Variants in CLTC observed in about 807,000 individuals in gnomAD.
CLTC encodes the protein clathrin heavy chain 1.
Under a neutral mutation model 195.8 loss-of-function variants are expected in CLTC, and 16 were observed. The observed-to-expected ratio is 0.08, with a 90% CI of 0.06 to 0.12. The LOEUF is 0.12. CLTC is among the 10% of genes least tolerant of loss of function. The probability of loss-of-function intolerance (pLI) is 1.00; values close to 1 mark genes in which losing one functional copy is unlikely to be tolerated. For synonymous variants in CLTC, 667 were observed against 689.4 expected, an observed-to-expected ratio of 0.97 and a Z score of 0.51; for missense variants, 796 against 2,027.0, an observed-to-expected ratio of 0.39 and a Z score of 11.66.
rs560534413 is a variant in CLTC at position 59,684,663 on chromosome 17, G to A, written c.4435-393G>A. ...TACTAAAATACCAAAAAAATTAGCC[G>A]GTTGTGGTGGCACGTGCCTGTAGTA... On this transcript the variant is annotated intron_variant, in intron 28 of 31. Transcript: ENST00000269122. Among the ~76,000 whole-genome samples the A allele has an allele frequency of 5.9e-5, 9 of 152,128 alleles. 1 individual carries two copies. In the South Asian group the frequency reaches 6.2e-4, roughly 11 times the overall value.
chr17:59,693,660 A>G (rs1336805099), intron 31 of CLTC, 68 bp from the exon 32 acceptor site: 12 of 1,529,800 alleles, frequency 7.8e-6, no homozygotes, highest in Non-Finnish European at 8.8e-6. Context: ...GGAGTGTTCT[A>G]AATGCTAACA....
chr17:59,682,601 T>A lies in CLTC; in HGVS notation c.3601-28T>A. ...GATTAAGCTCACACTAATATCTTGC[T>A]GAATGTGGGTTACCTTTTTTTTTCC... On this transcript the variant is annotated intron_variant, in intron 22 of 31. Coordinates refer to ENST00000269122, the MANE Select transcript of CLTC (RefSeq NM_004859.4). The surrounding 1 kb of genome is among the most constrained non-coding windows in gnomAD (Gnocchi z 6.8). 1 of 1,611,376 alleles carries A rather than the reference T, an allele frequency of 6.2e-7. No individual in the cohort carries two copies. Among genetic ancestry groups the A allele is most frequent in the Non-Finnish European group, 8.5e-7 (1 of 1,177,954 alleles).
At chr17:59,680,808 T>C in intron 18 of CLTC, 104 bp from the exon 19 acceptor site, 1 of 846,018 alleles carries the variant, frequency 1.2e-6, no homozygotes. Flanking sequence ...TTTTTCCTAC[T>C]TCATTCTTTT....
rs747580339 is a variant in CLTC, at chr17:59,680,960, G to A, written c.2968G>A (p.Val990Ile). ...GACTCAGGACCCTGAAGAAGTGTCA[G>A]TAACTGTAAAGGCTTTCATGACTGC... ...SETQDPEEVS[V>I]TVKAFMTADL... The change falls in exon 19 of 32, where the codon GTA (valine) becomes ATA (isoleucine). Residue 990 changes from valine to isoleucine, a missense_variant. By Grantham distance (29) the Val-to-Ile change is conservative. Coordinates refer to ENST00000269122, the MANE Select transcript of CLTC (RefSeq NM_004859.4). 6.2e-6 allele frequency: 10 copies of A among 1,613,808 alleles called. No homozygotes were observed. Among genetic ancestry groups the A allele is most frequent in the Non-Finnish European group, 8.5e-6 (10 of 1,179,736 alleles).
intron 30 of CLTC, chr17:59,690,383 C>T: frequency 2.8e-6 from 1 of 360,930 alleles, no homozygotes; most frequent in Non-Finnish European, 5.0e-6. Flanking sequence ...CCTAGCATGC[C>T]CAGTTTTAGT....
intron 5 of CLTC, among the ~76,000 whole-genome samples, chr17:59,655,070 C>G (rs927231764): frequency 6.6e-6 from 1 of 152,200 alleles, no homozygotes. Flanking sequence ...AAGAATTTTC[C>G]TTTGTATTCA....
intron 14 of CLTC, among the ~76,000 whole-genome samples, chr17:59,672,241 A>G (rs971209245): frequency 6.6e-6 from 1 of 152,198 alleles, no homozygotes; most frequent in Non-Finnish European, 1.5e-5. Context: ...AGCAATCAAG[A>G]AAATAACCTA....
At chr17:59,686,299 G>GA (rs949332746) in intron 30 of CLTC, among the ~76,000 whole-genome samples, 36 of 145,936 alleles carry the variant, frequency 2.5e-4, no homozygotes, top group Middle Eastern at 3.5e-3. Flanking sequence ...GTGAACATGG[G>GA]AAAAAAAAAA....
chr17:59,689,870 A>G (rs948390483), intron 30 of CLTC: 2 of 152,222 alleles, frequency 1.3e-5, no homozygotes, highest in African/African-American at 4.8e-5. Flanking sequence ...TCACACAACT[A>G]GTTAGTGGAA....
intron 28 of CLTC, 52 bp downstream of exon 28, chr17:59,684,037 T>C (rs1302681194): frequency 3.4e-6 from 4 of 1,186,374 alleles, no homozygotes; most frequent in Non-Finnish European, 4.9e-6. Context: ...AAGTTATGTT[T>C]TCCCATTTTT....
intron 2 of CLTC, among the ~76,000 whole-genome samples, chr17:59,645,500 G>T (rs914495077): frequency 2.0e-5 from 3 of 152,082 alleles, no homozygotes; most frequent in African/African-American, 7.2e-5. Flanking sequence ...TTTTAAGAGG[G>T]CTCGGTGACA....
intron 31 of CLTC, 128 bp downstream of exon 31, chr17:59,690,839 C>T (rs1307939301): frequency 1.7e-6 from 1 of 579,112 alleles, no homozygotes; most frequent in Non-Finnish European, 2.9e-6. Flanking sequence ...CTGCTCTCTA[C>T]TGTCTGATTT....
At position 59,681,139 on chromosome 17, in the gene CLTC, AAGATC is replaced by A; in HGVS notation, c.3065+86_3065+90del. On this transcript the variant is annotated intron_variant, in intron 19 of 31. Coordinates refer to ENST00000269122, the MANE Select transcript of CLTC (RefSeq NM_004859.4). The surrounding 1 kb of genome is among the most constrained non-coding windows in gnomAD (Gnocchi z 5.0). Reference sequence around the variant, plus strand: ...CCCATCAGTTTTGGGAAGGAACAAAAAGATCAGAGAAAGTTGCCTGAATTCTCACT... The same window carrying A: ...CCCATCAGTTTTGGGAAGGAACAAAAAGAGAAAGTTGCCTGAATTCTCACT... 6.6e-7 allele frequency: 1 copy of A among 1,522,614 alleles called. No individual in the cohort carries two copies. Among genetic ancestry groups the A allele is most frequent in the Non-Finnish European group, 8.9e-7 (1 of 1,124,112 alleles). The allele number at this position is 1,522,614 out of a possible 1,614,324, so 94.3% of individuals were successfully genotyped here. A position where few individuals can be genotyped will look rare whatever the true frequency, so the allele number is the denominator to read the frequency against.
Position 59,683,621 on chromosome 17 carries a change from G to A in CLTC, c.4192-4G>A, listed in dbSNP as rs370312944. On this transcript the variant is annotated splice_polypyrimidine_tract_variant and splice_region_variant and intron_variant, in intron 26 of 31. Coordinates refer to ENST00000269122, the MANE Select transcript of CLTC (RefSeq NM_004859.4). This position sits in a 1 kb window ranked among gnomAD's most constrained non-coding sequence, Gnocchi z 6.1. ...TGACTTATGTATGGATTTTCCCATT[G>A]TAGGTTGCCAATGTGGAACTATACT... is the stretch of plus-strand genomic sequence containing the variant. The A allele has an allele frequency of 1.9e-5, 31 of 1,613,860 alleles. No homozygotes were observed. In the African/African-American group the frequency reaches 4.0e-4, roughly 21 times the overall value.
At chr17:59,627,396 T>C (rs913636757) in intron 1 of CLTC, among the ~76,000 whole-genome samples, 1 of 152,216 alleles carries the variant, frequency 6.6e-6, no homozygotes, top group African/African-American at 2.4e-5. Context: ...ATTGTAGAGA[T>C]TGGGCAACTG....
In CLTC at chr17:59,681,527, G is replaced by A; in HGVS notation, c.3249+49G>A. The A allele has an allele frequency of 6.3e-7, 1 of 1,596,764 alleles. No homozygotes were observed. Among genetic ancestry groups the A allele is most frequent in the Non-Finnish European group, 8.6e-7 (1 of 1,166,820 alleles). On this transcript the variant is annotated intron_variant, in intron 20 of 31. Transcript: ENST00000269122. This position sits in a 1 kb window ranked among gnomAD's most constrained non-coding sequence, Gnocchi z 5.0. ...TGAATTACTAAACACTGTGCTATGA[G>A]GGTGGGCCTAATTGGTTGCTACGGC... is the stretch of plus-strand genomic sequence containing the variant.
intron 1 of CLTC, among the ~76,000 whole-genome samples, chr17:59,633,342 A>G (rs2031775572): frequency 6.6e-6 from 1 of 151,966 alleles, no homozygotes; most frequent in Admixed American, 6.5e-5. Context: ...AAAATACAAA[A>G]ATTAGCTGGG....
Position 59,693,769 on chromosome 17 carries a change from G to A in CLTC, c.4945G>A (p.Val1649Ile), listed in dbSNP as rs1337950048. The change falls in exon 32 of 32, where the codon GTC becomes ATC. Residue 1649 changes from valine to isoleucine, a missense_variant. Physicochemically the swap from Val to Ile is conservative, Grantham distance 29. Coordinates refer to ENST00000269122, the MANE Select transcript of CLTC (RefSeq NM_004859.4). ...GCTGACAGCAGGACCCAGTGTTGCCGTCCCTCCCCAGGCACCTTTTGGTTA... is the reference window on the plus strand; with the variant it reads ...GCTGACAGCAGGACCCAGTGTTGCCATCCCTCCCCAGGCACCTTTTGGTTA... ...LMLTAGPSVA[V>I]PPQAPFGYGY... is the part of the protein sequence containing the mutation. 9 of 1,613,694 alleles carry A rather than the reference G, an allele frequency of 5.6e-6. No homozygotes were observed. Among genetic ancestry groups the A allele is most frequent in the Admixed American group, 1.7e-5 (1 of 59,988 alleles).
chr17:59,642,054 T>C (rs2032054471), intron 1 of CLTC, among the ~76,000 whole-genome samples: 1 of 150,594 alleles, frequency 6.6e-6, no homozygotes, highest in South Asian at 2.1e-4. Context: ...CTGAAGGTCA[T>C]TGCTAACTGA....
Sources: allele counts gnomAD v4.1 joint callset (sites outside exome capture counted in the v4.1 genomes callset), GRCh38; gene constraint gnomAD v4.1.1; non-coding constraint Gnocchi (gnomAD v3.1); transcripts MANE v1.5; gene names NCBI Gene and HGNC (gene_info 2026-07-23, HGNC 2026-07-21).